Variants in SPAG16 observed in about 807,000 individuals in gnomAD.
SPAG16 encodes sperm associated antigen 16.
A neutral mutation model predicts 80.4 loss-of-function variants in SPAG16; 86 were observed. The observed-to-expected ratio is 1.07, with a 90% CI of 0.90 to 1.28. SPAG16 has a LOEUF of 1.28. SPAG16 is among the 50% of genes most tolerant of loss of function. The pLI, the probability that SPAG16 is intolerant of heterozygous loss-of-function variation, is 0.00. For synonymous variants in SPAG16, 294 were observed against 265.9 expected, an observed-to-expected ratio of 1.11 and a Z score of -1.03; for missense variants, 870 against 765.3, an observed-to-expected ratio of 1.14 and a Z score of -1.61.
intron 10 of SPAG16, among the ~76,000 whole-genome samples, chr2:213,512,465 A>C (rs1404817733): frequency 6.6e-6 from 1 of 152,186 alleles, no homozygotes; most frequent in Non-Finnish European, 1.5e-5. Context: ...ACTGCTTCCT[A>C]TATAATTACT....
intron 9 of SPAG16, among the ~76,000 whole-genome samples, chr2:213,391,201 G>A (rs1249546841): frequency 2.6e-5 from 4 of 152,194 alleles, no homozygotes. Flanking sequence ...CCAGGAGGTG[G>A]AGGTTGCAGT....
intron 14 of SPAG16, among the ~76,000 whole-genome samples, chr2:214,114,521 C>G (rs77917565): frequency 6.6e-6 from 1 of 152,154 alleles, no homozygotes. Context: ...ATGCCCCTCC[C>G]CCTGCCAGGC....
At chr2:214,332,326 A>C (rs1013104865) in intron 15 of SPAG16, among the ~76,000 whole-genome samples, 1 of 152,220 alleles carries the variant, frequency 6.6e-6, no homozygotes, top group Non-Finnish European at 1.5e-5. Context: ...TTTCTGTATC[A>C]GTGACCCAAC....
chr2:214,356,210 GAGAAAAAAATAAAA>G (rs1393856020), intron 15 of SPAG16, among the ~76,000 whole-genome samples: 1 of 150,550 alleles, frequency 6.6e-6, no homozygotes, highest in Non-Finnish European at 1.5e-5. Context: ...TTTAAAAAAT[GAGAAAAAAATAAAA>G]AGAAAAAAAG....
chr2:213,362,921 C>T (rs575620521), intron 7 of SPAG16, among the ~76,000 whole-genome samples: 1 of 152,274 alleles, frequency 6.6e-6, no homozygotes, highest in South Asian at 2.1e-4. Flanking sequence ...ACCTCCAACA[C>T]TGGGGATCAC....
At chr2:213,530,702 C>T (rs2076037785) in intron 10 of SPAG16, among the ~76,000 whole-genome samples, 1 of 152,066 alleles carries the variant, frequency 6.6e-6, no homozygotes, top group Non-Finnish European at 1.5e-5. Context: ...CCAAGTCTTT[C>T]AATTAGAATT....
intron 13 of SPAG16, among the ~76,000 whole-genome samples, chr2:214,069,105 A>AT (rs2050665908): frequency 6.6e-6 from 1 of 152,030 alleles, no homozygotes; most frequent in Admixed American, 6.6e-5. Flanking sequence ...CCTTCCACAA[A>AT]TTTTCTGTGT....
At chr2:214,042,990 A>G (rs371612459) in intron 13 of SPAG16, among the ~76,000 whole-genome samples, 1 of 152,166 alleles carries the variant, frequency 6.6e-6, no homozygotes, top group Admixed American at 6.5e-5. Context: ...AATCAGACTT[A>G]TAAGAATCTG....
At chr2:213,933,326 A>G (rs2078852030) in intron 12 of SPAG16, among the ~76,000 whole-genome samples, 1 of 152,198 alleles carries the variant, frequency 6.6e-6, no homozygotes, top group South Asian at 2.1e-4. Flanking sequence ...ATACTCAACC[A>G]TTGCCTTCAA....
At chr2:213,963,090 GCT>G (rs1309027345) in intron 12 of SPAG16, among the ~76,000 whole-genome samples, 1 of 71,052 alleles carries the variant, frequency 1.4e-5, no homozygotes, top group Non-Finnish European at 2.8e-5. Flanking sequence ...TGCTTAGTTT[GCT>G]CTTTTTTTTT....
At chr2:214,287,567 G>A (rs1287787661) in intron 15 of SPAG16, among the ~76,000 whole-genome samples, 1 of 152,100 alleles carries the variant, frequency 6.6e-6, no homozygotes, top group East Asian at 1.9e-4. Flanking sequence ...CTTTTCATCT[G>A]CTCATCTATT....
intron 1 of SPAG16, among the ~76,000 whole-genome samples, chr2:213,286,761 G>C (rs551083248): frequency 2.6e-5 from 4 of 152,140 alleles, no homozygotes; most frequent in Non-Finnish European, 5.9e-5. Flanking sequence ...TATCAATATC[G>C]AGCAAGACTT....
At chr2:214,112,485 T>C (rs905120800) in intron 14 of SPAG16, among the ~76,000 whole-genome samples, 2 of 152,094 alleles carry the variant, frequency 1.3e-5, no homozygotes, top group East Asian at 3.9e-4. Flanking sequence ...CTTTATGAAT[T>C]TGGGTGCTCC....
chr2:213,857,590 A>G (rs2075231880), intron 10 of SPAG16, among the ~76,000 whole-genome samples: 1 of 152,186 alleles, frequency 6.6e-6, no homozygotes, highest in Non-Finnish European at 1.5e-5. Flanking sequence ...ATTACTTCCC[A>G]TTTAAAATTC....
intron 12 of SPAG16, among the ~76,000 whole-genome samples, chr2:213,963,844 A>G (rs1360096277): frequency 6.6e-6 from 1 of 151,472 alleles, no homozygotes; most frequent in Non-Finnish European, 1.5e-5. Flanking sequence ...AGTTACTCCA[A>G]CTCTCTTATG....
At chr2:214,013,921 T>C in intron 12 of SPAG16, 30 bp from the exon 13 acceptor site, 1 of 1,606,904 alleles carries the variant, frequency 6.2e-7, no homozygotes, top group Non-Finnish European at 8.5e-7. Context: ...AGATACTAAC[T>C]CCTAAAATTC....
At chr2:213,920,463 G>A (rs115520602) in intron 11 of SPAG16, among the ~76,000 whole-genome samples, 2,204 of 152,292 alleles carry the variant, frequency 0.014, 57 homozygotes, top group African/African-American at 0.05. Context: ...ACACATGTTG[G>A]CAATGTGATA....
intron 15 of SPAG16, among the ~76,000 whole-genome samples, chr2:214,369,387 G>A (rs1325553374): frequency 6.6e-6 from 1 of 152,066 alleles, no homozygotes; most frequent in African/African-American, 2.4e-5. Flanking sequence ...TCCGTAAAAT[G>A]AAGATAACTT....
chr2:213,866,733 A>T (rs2105966168), intron 11 of SPAG16, among the ~76,000 whole-genome samples: 1 of 152,338 alleles, frequency 6.6e-6, no homozygotes, highest in South Asian at 2.1e-4. Context: ...CAATCCCCAA[A>T]GTCAAAACAG....
Sources: gnomAD v4.1 joint callset for allele counts (sites outside exome capture counted in the v4.1 genomes callset) on GRCh38, gnomAD v4.1.1 for gene constraint, MANE v1.5 for transcripts, NCBI Gene and HGNC (gene_info 2026-07-23, HGNC 2026-07-21) for gene names.